The following CUX1 variants were observed in gnomAD, a reference collection of about 807,000 sequenced individuals.
CUX1 encodes protein CASP.
CUX1 carries 31 observed loss-of-function variants against 158.8 expected under a neutral mutation model. The observed-to-expected ratio is 0.20, with a 90% CI of 0.15 to 0.26. The LOEUF (loss-of-function observed/expected upper bound fraction) is 0.26. Among genes scored for constraint, CUX1 ranks in the 10% least tolerant of loss-of-function variants. CUX1 has a pLI of 1.00. For missense variants in CUX1, 1,589 were observed against 2,014.6 expected (o/e 0.79, Z 4.04); for synonymous variants, 879 against 862.1 (o/e 1.02, Z -0.34).
At chr7:102,136,606 G>C (rs1833937432) in intron 8 of CUX1, among the ~76,000 whole-genome samples, 1 of 152,132 alleles carries the variant, frequency 6.6e-6, no homozygotes, top group Admixed American at 6.6e-5. Context: ...GGTCAGGCTG[G>C]TCTGAAACTC....
rs1270296318 is a variant in CUX1 at position 102,082,430 on chromosome 7, G to A, written c.268+12013G>A. On this transcript the variant is annotated intron_variant, in intron 4 of 23. Coordinates refer to ENST00000292535, the MANE Select transcript of CUX1 (RefSeq NM_181552.4). ...AATCCCAGCTACTCAGGAGGCTGAC[G>A]CAGGAGAATTACTTGAACCCAGGAG... Among the ~76,000 whole-genome samples, 6 of 146,912 alleles carry A rather than the reference G, an allele frequency of 4.1e-5. 1 individual carries two copies. The highest frequency in any genetic ancestry group is 1.9e-4 in the East Asian group (1 of 5,192).
intron 3 of CUX1, among the ~76,000 whole-genome samples, chr7:102,058,441 ATT>A (rs35906137): frequency 0.15 from 21,896 of 146,738 alleles, 1,639 homozygotes; most frequent in Middle Eastern, 0.22. Flanking sequence ...CACCTGGCTA[ATT>A]TTTTTTTTTT....
chr7:101,882,446 T>G (rs1311465013), intron 1 of CUX1, among the ~76,000 whole-genome samples: 1 of 152,066 alleles, frequency 6.6e-6, no homozygotes, highest in East Asian at 1.9e-4. Context: ...AAATTTGTGA[T>G]GACGATCAGC....
intron 7 of CUX1, among the ~76,000 whole-genome samples, chr7:102,113,802 G>T (rs568358441): frequency 6.6e-6 from 1 of 152,214 alleles, no homozygotes; most frequent in African/African-American, 2.4e-5. Flanking sequence ...CTGGCCTCCA[G>T]TGATCCTCCC....
chr7:102,257,655 G>A lies in CUX1; in HGVS notation c.*8613G>A, dbSNP rs993218997. On this transcript the variant is annotated 3_prime_UTR_variant, in exon 24 of 24. Transcript: ENST00000292535. ...GTCCAGACTACTAACAGCACAAGAC[G>A]CACTCACAGGGTGGCGGAATCTTCC... is the stretch of plus-strand genomic sequence containing the variant. The A allele has an allele frequency of 2.9e-5, 29 of 985,290 alleles. No individual in the cohort carries two copies. In the Middle Eastern group the frequency reaches 1.5e-3, roughly 52 times the overall value. 61.0% of individuals were successfully genotyped at this position (985,290 alleles called of 1,614,324 possible).
rs1801314482 is a variant in CUX1, at chr7:102,249,955, T to C, written c.*913T>C. 1.0e-6 allele frequency: 1 copy of C among 985,262 alleles called. No individual in the cohort carries two copies. The highest frequency in any genetic ancestry group is 6.2e-5 in the Admixed American group (1 of 16,198). The allele number at this position is 985,262 out of a possible 1,614,324, so 61.0% of individuals were successfully genotyped here. Reference sequence around the variant, plus strand: ...TGTACGTGAATAGAATCCTGACATGTAGTGCACATTGATGTATAGCTTTAA... The same window carrying C: ...TGTACGTGAATAGAATCCTGACATGCAGTGCACATTGATGTATAGCTTTAA... On this transcript the variant is annotated 3_prime_UTR_variant, in exon 24 of 24. Coordinates refer to ENST00000292535, the MANE Select transcript of CUX1 (RefSeq NM_181552.4).
chr7:101,922,487 A>G (rs752834561), intron 2 of CUX1, among the ~76,000 whole-genome samples: 8 of 152,166 alleles, frequency 5.3e-5, no homozygotes, highest in African/African-American at 1.2e-4. Flanking sequence ...GCACCTGGGA[A>G]ATGCACGTTT....
intron 5 of CUX1, among the ~76,000 whole-genome samples, chr7:102,103,700 T>C (rs1383148715): frequency 1.3e-5 from 2 of 151,940 alleles, no homozygotes; most frequent in Admixed American, 6.6e-5. Flanking sequence ...CTCCTAAAGT[T>C]CTGGGATTAC....
At chr7:102,243,654 A>AATAATAATT (rs1800474142) in intron 23 of CUX1, among the ~76,000 whole-genome samples, 1 of 142,218 alleles carries the variant, frequency 7.0e-6, no homozygotes, top group Non-Finnish European at 1.5e-5. Flanking sequence ...TAATAATAAT[A>AATAATAATT]ATAATAATAA....
intron 15 of CUX1, 52 bp from the exon 16 acceptor site, chr7:102,198,750 A>G: frequency 1.3e-6 from 2 of 1,531,660 alleles, no homozygotes; most frequent in South Asian, 1.1e-5. Context: ...CATATCGTCA[A>G]CACCACCATT....
At position 102,256,609 on chromosome 7, in the gene CUX1, T is replaced by C. The variant is rs1482375310; in HGVS notation, c.*7567T>C. The C allele has an allele frequency of 1.0e-6, 1 of 985,380 alleles. No homozygotes were observed. The highest frequency in any genetic ancestry group is 1.2e-6 in the Non-Finnish European group (1 of 829,916). 61.0% of individuals were successfully genotyped at this position (985,380 alleles called of 1,614,324 possible). On this transcript the variant is annotated 3_prime_UTR_variant, in exon 24 of 24. Coordinates refer to ENST00000292535, the MANE Select transcript of CUX1 (RefSeq NM_181552.4). ...GTCTAACTTTTTAAATGAGAGTGTT[T>C]ATGAACAAAAAAATTTACCAACGTG...
At chr7:101,935,695 G>C (rs1806841141) in intron 2 of CUX1, among the ~76,000 whole-genome samples, 1 of 152,236 alleles carries the variant, frequency 6.6e-6, no homozygotes, top group Non-Finnish European at 1.5e-5. Context: ...CGGACCTGGT[G>C]TGGCAATGGT....
At chr7:102,117,419 AG>A (rs1185144890) in intron 8 of CUX1, among the ~76,000 whole-genome samples, 1 of 149,914 alleles carries the variant, frequency 6.7e-6, no homozygotes, top group Non-Finnish European at 1.5e-5. Flanking sequence ...AAAAAAAAAA[AG>A]GTCAATATTG....
At chr7:102,027,666 G>A (rs905691981) in intron 2 of CUX1, among the ~76,000 whole-genome samples, 8 of 152,024 alleles carry the variant, frequency 5.3e-5, no homozygotes, top group Non-Finnish European at 1.0e-4. Flanking sequence ...TTTGACCCTC[G>A]CCTGGACGAC....
At chr7:102,040,427 C>G (rs1821933697) in intron 3 of CUX1, among the ~76,000 whole-genome samples, 1 of 152,128 alleles carries the variant, frequency 6.6e-6, no homozygotes, top group African/African-American at 2.4e-5. Flanking sequence ...TTAGTAGGGC[C>G]CGGGTCATGC....
At chr7:102,080,443 A>G (rs577509846) in intron 4 of CUX1, among the ~76,000 whole-genome samples, 4 of 152,284 alleles carry the variant, frequency 2.6e-5, no homozygotes, top group African/African-American at 4.8e-5. Flanking sequence ...ACATTAGCCT[A>G]GAGTGCCCTG....
chr7:101,899,043 G>A (rs1397380042), intron 1 of CUX1, among the ~76,000 whole-genome samples: 3 of 152,214 alleles, frequency 2.0e-5, no homozygotes, highest in Admixed American at 6.5e-5. Flanking sequence ...ATGGAACCTC[G>A]TGGGCAGAGA....
At chr7:101,962,817 C>T (rs1055582011) in intron 2 of CUX1, among the ~76,000 whole-genome samples, 4 of 152,094 alleles carry the variant, frequency 2.6e-5, no homozygotes, top group African/African-American at 9.7e-5. Context: ...AACTCCTGGG[C>T]TCAAGCAATC....
At chr7:101,935,273 G>A (rs1430929237) in intron 2 of CUX1, among the ~76,000 whole-genome samples, 3 of 152,088 alleles carry the variant, frequency 2.0e-5, no homozygotes, top group Admixed American at 2.0e-4. Context: ...CCTTTTGACT[G>A]TAATTTTCCT....
Sources: allele counts gnomAD v4.1 joint callset (sites outside exome capture counted in the v4.1 genomes callset), GRCh38; gene constraint gnomAD v4.1.1; transcripts MANE v1.5; gene names NCBI Gene and HGNC (gene_info 2026-07-23, HGNC 2026-07-21).